Variants in HMG20A observed in about 807,000 individuals in gnomAD.
HMG20A encodes the protein high mobility group 20A.
In HMG20A, 17 loss-of-function variants were observed where a neutral mutation model predicts 43.9. The ratio of observed to expected loss-of-function variants is 0.39; its 90% CI spans 0.27 to 0.58. The LOEUF (loss-of-function observed/expected upper bound fraction) is 0.58, where lower values mean the gene tolerates loss of function less well. Ranked by LOEUF, HMG20A falls within the 20% of genes least tolerant of loss-of-function variation. The pLI, the probability that HMG20A is intolerant of heterozygous loss-of-function variation, is 0.59. For missense variants in HMG20A, 341 were observed against 438.2 expected (o/e 0.78, Z 1.98); for synonymous variants, 132 against 147.5 (o/e 0.89, Z 0.76).
intron 7 of HMG20A, 48 bp from the exon 8 acceptor site, chr15:77,478,245 CAG>C (rs774774234): frequency 6.3e-7 from 1 of 1,592,184 alleles, no homozygotes; most frequent in South Asian, 1.1e-5. Flanking sequence ...TGGGACTCCT[CAG>C]AGACTCCTTC....
chr15:77,516,422 G>T, the HMG20A span, among the ~76,000 whole-genome samples: 1 of 152,154 alleles, frequency 6.6e-6, no homozygotes, highest in Non-Finnish European at 1.5e-5. Flanking sequence ...GCTGCAATGA[G>T]CCATGATCAA....
chr15:77,496,601 C>T, the HMG20A span, among the ~76,000 whole-genome samples: 1 of 152,154 alleles, frequency 6.6e-6, no homozygotes, highest in Non-Finnish European at 1.5e-5. Context: ...AAGGTCAGGA[C>T]CAAACATTTT....
chr15:77,497,743 T>C, the HMG20A span, among the ~76,000 whole-genome samples: 1 of 150,626 alleles, frequency 6.6e-6, no homozygotes, highest in African/African-American at 2.5e-5. Flanking sequence ...ATTAGGGGGA[T>C]GCAAGGGGGA....
chr15:77,477,415 AT>A (rs2072866544), intron 6 of HMG20A, 139 bp from the exon 7 acceptor site: 2 of 631,388 alleles, frequency 3.2e-6, no homozygotes, highest in Non-Finnish European at 5.5e-6. Flanking sequence ...AGATGAATAC[AT>A]TTCCCTCACA....
the HMG20A span, among the ~76,000 whole-genome samples, chr15:77,506,331 T>C: frequency 6.6e-6 from 1 of 152,116 alleles, no homozygotes; most frequent in Admixed American, 6.5e-5. Flanking sequence ...GTGTCTTTAA[T>C]GGGCAGTCCT....
At position 77,485,323 on chromosome 15, in the gene HMG20A, G is replaced by A. The variant is rs779986608; in HGVS notation, c.*2360G>A. On this transcript the variant is annotated 3_prime_UTR_variant, in exon 10 of 10. Transcript: ENST00000336216. ...TCCCAGTACACCTGTAGATATTACT[G>A]TACTTTTATGTTCTCAAGAAATAAG... 6.6e-6 allele frequency: 1 copy of A among 152,600 alleles called. No homozygotes were observed. The highest frequency in any genetic ancestry group is 1.5e-5 in the Non-Finnish European group (1 of 68,044). The allele number at this position is 152,600 out of a possible 1,614,324, so 9.5% of individuals were successfully genotyped here. A position where few individuals can be genotyped will look rare whatever the true frequency, so the allele number is the denominator to read the frequency against.
chr15:77,501,136 C>T, the HMG20A span, among the ~76,000 whole-genome samples: 1 of 152,214 alleles, frequency 6.6e-6, no homozygotes, highest in Non-Finnish European at 1.5e-5. Context: ...CCAAACCTGG[C>T]ACTGTGCCTG....
At chr15:77,475,528 C>T (rs749625663) in intron 6 of HMG20A, among the ~76,000 whole-genome samples, 1 of 152,200 alleles carries the variant, frequency 6.6e-6, no homozygotes, top group Non-Finnish European at 1.5e-5. Context: ...CCAAGCGTCT[C>T]CACTTTACCC....
intron 1 of HMG20A, among the ~76,000 whole-genome samples, chr15:77,421,782 T>C (rs2073353639): frequency 6.6e-6 from 1 of 152,270 alleles, no homozygotes; most frequent in Non-Finnish European, 1.5e-5. Flanking sequence ...GGTTTTGCCC[T>C]GTGCCTGAGA....
At chr15:77,470,589 C>T (rs537836792) in intron 4 of HMG20A, among the ~76,000 whole-genome samples, 1 of 152,076 alleles carries the variant, frequency 6.6e-6, no homozygotes, top group African/African-American at 2.4e-5. Flanking sequence ...ATATAGAGTT[C>T]TATCTATAGA....
At chr15:77,437,638 C>G (rs1050165188) in intron 1 of HMG20A, among the ~76,000 whole-genome samples, 3 of 150,522 alleles carry the variant, frequency 2.0e-5, no homozygotes, top group Admixed American at 2.0e-4. Flanking sequence ...GTGGCGTGAT[C>G]TCAGCTCACA....
At chr15:77,508,837 C>T in the HMG20A span, among the ~76,000 whole-genome samples, 1 of 152,206 alleles carries the variant, frequency 6.6e-6, no homozygotes, top group Admixed American at 6.5e-5. Flanking sequence ...TGGTTTAGGA[C>T]TAGCTTTATT....
downstream of HMG20A, among the ~76,000 whole-genome samples, chr15:77,489,831 G>A (rs117393738): frequency 1.3e-5 from 2 of 152,342 alleles, no homozygotes; most frequent in East Asian, 1.9e-4. Flanking sequence ...CAGAGTAAAC[G>A]AGAGGCAGAG....
At chr15:77,490,181 A>T (rs1279384460), downstream of HMG20A, among the ~76,000 whole-genome samples, 2 of 152,252 alleles carry the variant, frequency 1.3e-5, no homozygotes, top group East Asian at 3.9e-4. Flanking sequence ...CCAGCTACTC[A>T]GGAGTCTGAG....
chr15:77,487,384 C>G (rs977912992), downstream of HMG20A, among the ~76,000 whole-genome samples: 2 of 152,188 alleles, frequency 1.3e-5, no homozygotes, highest in Non-Finnish European at 1.5e-5. Flanking sequence ...CCCAACCCCG[C>G]CATGCTAGTG....
At chr15:77,428,982 G>A (rs1029666549) in intron 1 of HMG20A, among the ~76,000 whole-genome samples, 2 of 151,686 alleles carry the variant, frequency 1.3e-5, no homozygotes, top group African/African-American at 2.4e-5. Flanking sequence ...AAAAAAGGAG[G>A]GGGGAGCCTC....
chr15:77,519,165 G>GA, the HMG20A span, among the ~76,000 whole-genome samples: 1 of 152,222 alleles, frequency 6.6e-6, no homozygotes, highest in African/African-American at 2.4e-5. Context: ...AGGTGATCTG[G>GA]AAGAGGAAGC....
intron 1 of HMG20A, among the ~76,000 whole-genome samples, chr15:77,432,722 C>CAAAAAAAAAAAA (rs34459644): frequency 2.6e-5 from 2 of 77,720 alleles, no homozygotes; most frequent in Non-Finnish European, 4.6e-5. Flanking sequence ...AACTCCGACT[C>CAAAAAAAAAAAA]AAAAAAAAAA....
chr15:77,455,653 T>A (rs896939024), intron 1 of HMG20A, among the ~76,000 whole-genome samples: 8 of 152,206 alleles, frequency 5.3e-5, no homozygotes, highest in African/African-American at 1.9e-4. Flanking sequence ...TGCTTTGCCT[T>A]TGAACAAATT....
Sources: allele counts gnomAD v4.1 joint callset (sites outside exome capture counted in the v4.1 genomes callset), GRCh38; gene constraint gnomAD v4.1.1; transcripts MANE v1.5; gene names NCBI Gene and HGNC (gene_info 2026-07-23, HGNC 2026-07-21).